GRIK2: variants seen among roughly 807,000 people sequenced by gnomAD.
The protein encoded by GRIK2 is glutamate receptor ionotropic, kainate 2.
Under a neutral mutation model 100.3 loss-of-function variants are expected in GRIK2, and 32 were observed. The ratio of observed to expected loss-of-function variants is 0.32; its 90% confidence interval spans 0.24 to 0.43. The LOEUF (loss-of-function observed/expected upper bound fraction) is 0.43, where lower values mean the gene tolerates loss of function less well. Ranked by LOEUF, GRIK2 falls within the 20% of genes least tolerant of loss-of-function variation. The probability of loss-of-function intolerance (pLI) is 1.00; values close to 1 mark genes in which losing one functional copy is unlikely to be tolerated. For missense variants in GRIK2, 843 were observed against 1,114.9 expected, an observed-to-expected ratio of 0.76 and a Z score of 3.47; for synonymous variants, 417 against 389.4, an observed-to-expected ratio of 1.07 and a Z score of -0.83.
chr6:101,738,009 G>A (rs1486965595), intron 7 of GRIK2, among the ~76,000 whole-genome samples: 2 of 152,134 alleles, frequency 1.3e-5, no homozygotes, highest in Non-Finnish European at 2.9e-5. Flanking sequence ...TAAGAAGATA[G>A]AGATTGAGAC....
intron 14 of GRIK2, among the ~76,000 whole-genome samples, chr6:101,938,978 T>C (rs999504722): frequency 1.3e-5 from 2 of 152,064 alleles, no homozygotes; most frequent in African/African-American, 4.8e-5. Context: ...GGTAGGTGTT[T>C]CATTTATTAA....
At chr6:101,717,739 G>C (rs1322608936) in intron 7 of GRIK2, among the ~76,000 whole-genome samples, 1 of 151,752 alleles carries the variant, frequency 6.6e-6, no homozygotes, top group East Asian at 1.9e-4. Context: ...AGTAAAAGGT[G>C]TCAATTTAAA....
At chr6:102,036,052 C>G (rs149940673) in intron 15 of GRIK2, among the ~76,000 whole-genome samples, 5 of 151,410 alleles carry the variant, frequency 3.3e-5, no homozygotes, top group African/African-American at 1.2e-4. Flanking sequence ...AATGACATAT[C>G]TAGAATATTT....
At chr6:101,788,571 T>C (rs1421756107) in intron 7 of GRIK2, among the ~76,000 whole-genome samples, 2 of 152,332 alleles carry the variant, frequency 1.3e-5, no homozygotes, top group Admixed American at 6.5e-5. Flanking sequence ...TAGTATTCCA[T>C]GGTGTATATG....
intron 2 of GRIK2, among the ~76,000 whole-genome samples, chr6:101,493,690 G>A (rs1044103543): frequency 2.0e-5 from 3 of 151,654 alleles, no homozygotes; most frequent in African/African-American, 7.3e-5. Context: ...GCAGGGAAAA[G>A]CAGAAGTCCA....
At chr6:101,758,657 A>T (rs1777290559) in intron 7 of GRIK2, among the ~76,000 whole-genome samples, 1 of 152,200 alleles carries the variant, frequency 6.6e-6, no homozygotes, top group Non-Finnish European at 1.5e-5. Context: ...TTTAATCCTG[A>T]ACTGAGAGAT....
chr6:101,681,261 TTTTG>T (rs1582949493), intron 5 of GRIK2, among the ~76,000 whole-genome samples: 2 of 152,214 alleles, frequency 1.3e-5, no homozygotes, highest in South Asian at 2.1e-4. Context: ...TATCCCTGTT[TTTTG>T]TTTGTTTGTT....
chr6:101,933,936 C>T (rs767486634), intron 14 of GRIK2, among the ~76,000 whole-genome samples: 3 of 151,834 alleles, frequency 2.0e-5, no homozygotes, highest in Non-Finnish European at 4.4e-5. Flanking sequence ...ATTTTTGGTA[C>T]TGAGCAAAAG....
At chr6:101,889,549 T>A in intron 11 of GRIK2, 91 bp from the exon 12 acceptor site, 1 of 700,824 alleles carries the variant, frequency 1.4e-6, no homozygotes. Flanking sequence ...TTATTTAATT[T>A]GATTACTGAT....
intron 16 of GRIK2, among the ~76,000 whole-genome samples, chr6:102,058,834 A>T (rs530756677): frequency 1.4e-4 from 21 of 151,582 alleles, no homozygotes; most frequent in African/African-American, 4.8e-4. Context: ...CATTGAAGGA[A>T]AGCACGAATG....
intron 15 of GRIK2, among the ~76,000 whole-genome samples, chr6:102,038,276 G>T (rs1335031): frequency 0.27 from 41,459 of 151,190 alleles, 5,789 homozygotes; most frequent in East Asian, 0.31. Flanking sequence ...GTGGAAGCAG[G>T]GGTCTGTTAG....
intron 7 of GRIK2, among the ~76,000 whole-genome samples, chr6:101,769,036 T>A (rs73761422): frequency 0.057 from 8,664 of 152,254 alleles, 655 homozygotes; most frequent in African/African-American, 0.18. Context: ...TGCTTATTAT[T>A]GCTCTGATTT....
intron 2 of GRIK2, among the ~76,000 whole-genome samples, chr6:101,479,410 C>G: frequency 6.6e-6 from 1 of 152,034 alleles, no homozygotes; most frequent in East Asian, 1.9e-4. Context: ...TGTTGAAAAA[C>G]CAGCCTAATC....
chr6:101,586,294 A>G (rs774774859), intron 2 of GRIK2, among the ~76,000 whole-genome samples: 3 of 151,098 alleles, frequency 2.0e-5, no homozygotes, highest in Non-Finnish European at 4.4e-5. Flanking sequence ...GTATGAATCG[A>G]AAAAAAAAAT....
intron 14 of GRIK2, among the ~76,000 whole-genome samples, chr6:102,014,319 T>C (rs1249620638): frequency 6.6e-6 from 1 of 152,108 alleles, no homozygotes; most frequent in Non-Finnish European, 1.5e-5. Context: ...TTGTGGCTAT[T>C]TGGATCATCT....
intron 14 of GRIK2, among the ~76,000 whole-genome samples, chr6:101,978,751 G>A (rs1178236448): frequency 6.6e-6 from 1 of 151,908 alleles, no homozygotes; most frequent in Non-Finnish European, 1.5e-5. Flanking sequence ...TAAAAGCTAT[G>A]TATATAATAT....
At chr6:101,541,418 AT>A (rs370189765) in intron 2 of GRIK2, among the ~76,000 whole-genome samples, 2 of 60,328 alleles carry the variant, frequency 3.3e-5, no homozygotes, top group Admixed American at 1.8e-4. Context: ...ACACACACAC[AT>A]ACACACACAC....
Position 101,686,228 on chromosome 6 carries a change from A to C in GRIK2, c.826A>C (p.Met276Leu). 6.2e-7 allele frequency: 1 copy of C among 1,612,926 alleles called. No homozygotes were observed. ...VEPYRYSGVN[M>L]TGFRILNTEN... ...GCCCTACCGATACAGTGGTGTTAAC[A>C]TGACAGGGTTCAGAATATTAAATAC... The change falls in exon 7 of 17, where the codon ATG becomes CTG. Residue 276 changes from methionine (M) to leucine (L), a missense_variant. By Grantham distance (15) the Met-to-Leu change is conservative. Around this residue, in one of 3 missense-constraint regions of GRIK2, gnomAD observed 519 missense variants for 643.8 expected, o/e 0.81. Coordinates refer to ENST00000369134, the MANE Select transcript of GRIK2 (RefSeq NM_021956.5).
chr6:101,702,515 A>T (rs1772969703), intron 7 of GRIK2, among the ~76,000 whole-genome samples: 1 of 152,004 alleles, frequency 6.6e-6, no homozygotes, highest in Non-Finnish European at 1.5e-5. Context: ...TAAAAGTAGG[A>T]TCTTATGGTA....
Sources: allele counts gnomAD v4.1 joint callset (sites outside exome capture counted in the v4.1 genomes callset), GRCh38; gene constraint gnomAD v4.1.1; regional missense constraint gnomAD v4.1.1; transcripts MANE v1.5; gene names NCBI Gene and HGNC (gene_info 2026-07-23, HGNC 2026-07-21).